Variants in KLHL13 observed in about 807,000 individuals in gnomAD.
KLHL13 encodes the protein kelch-like protein 13.
KLHL13 carries 10 observed loss-of-function variants against 37.1 expected under a neutral mutation model. The ratio of observed to expected loss-of-function variants is 0.27; its 90% confidence interval spans 0.17 to 0.46. The LOEUF (loss-of-function observed/expected upper bound fraction) is 0.46, where lower values mean the gene tolerates loss of function less well. Ranked by LOEUF, KLHL13 falls within the 20% of genes least tolerant of loss-of-function variation. The pLI, the probability that KLHL13 is intolerant of heterozygous loss-of-function variation, is 1.00. For missense variants in KLHL13, 360 were observed against 509.3 expected (o/e 0.71, Z 2.82); for synonymous variants, 163 against 181.2 (o/e 0.90, Z 0.81).
chrX:118,112,887 T>C (rs193230981), intron 1 of KLHL13, among the ~76,000 whole-genome samples: 19 of 112,143 alleles, frequency 1.7e-4, no homozygotes, highest in African/African-American at 5.8e-4. Flanking sequence ...TTGAAAATGT[T>C]GGAGAGGCAA....
At chrX:118,038,221 C>T (rs751825269) in intron 1 of KLHL13, among the ~76,000 whole-genome samples, 1 of 111,876 alleles carries the variant, frequency 8.9e-6, no homozygotes, top group South Asian at 3.8e-4. Flanking sequence ...GGAAATGTTA[C>T]TCAAGTGAAG....
intron 1 of KLHL13, among the ~76,000 whole-genome samples, chrX:118,029,726 T>C (rs1473168321): frequency 1.8e-5 from 2 of 111,953 alleles, no homozygotes; most frequent in Non-Finnish European, 3.8e-5. Context: ...CCCAGCACTT[T>C]GGGATGCCAA....
At chrX:118,028,594 A>C in intron 1 of KLHL13, 97 bp from the exon 2 acceptor site, 2 of 420,288 alleles carry the variant, frequency 4.8e-6, no homozygotes, top group Non-Finnish European at 8.2e-6. Flanking sequence ...TTCATGGTTG[A>C]ATTAAAGGAA....
chrX:117,910,243 A>G, intron 4 of KLHL13, 147 bp from the exon 6 acceptor site: 1 of 458,006 alleles, frequency 2.2e-6, no homozygotes, highest in Admixed American at 4.6e-5. Flanking sequence ...AAATGTATCA[A>G]TGATCTACAA....
At chrX:118,083,485 G>C (rs1254547614) in intron 1 of KLHL13, among the ~76,000 whole-genome samples, 1 of 111,516 alleles carries the variant, frequency 9.0e-6, no homozygotes, top group Non-Finnish European at 1.9e-5. Context: ...AGAACGAAAG[G>C]ACAAATACCA....
At chrX:118,046,670 C>A (rs2054563847) in intron 1 of KLHL13, among the ~76,000 whole-genome samples, 1 of 111,224 alleles carries the variant, frequency 9.0e-6, no homozygotes, top group South Asian at 3.8e-4. Context: ...AATATATACA[C>A]CTACTATGTG....
At chrX:117,922,459 G>GAAAA (rs1556297793) in intron 2 of KLHL13, among the ~76,000 whole-genome samples, 1 of 111,578 alleles carries the variant, frequency 9.0e-6, no homozygotes, top group African/African-American at 3.3e-5. Flanking sequence ...ATTAACGCAT[G>GAAAA]AACAAACAAA....
intron 1 of KLHL13, among the ~76,000 whole-genome samples, chrX:118,088,052 T>A (rs1479852691): frequency 2.7e-5 from 3 of 112,242 alleles, no homozygotes; most frequent in Non-Finnish European, 5.6e-5. Context: ...GGATTTCACC[T>A]GCAAGAGCAG....
At chrX:118,069,147 A>ACACACACC (rs1382307402) in intron 1 of KLHL13, among the ~76,000 whole-genome samples, 2 of 105,556 alleles carry the variant, frequency 1.9e-5, no homozygotes, top group African/African-American at 3.5e-5. Context: ...ACACACACAC[A>ACACACACC]CCCTCACCTG....
intron 1 of KLHL13, among the ~76,000 whole-genome samples, chrX:118,048,734 A>G (rs982314597): frequency 1.6e-4 from 18 of 111,745 alleles, no homozygotes; most frequent in African/African-American, 5.2e-4. Context: ...ACAAAAATAT[A>G]ACGAGACAAG....
intron 1 of KLHL13, among the ~76,000 whole-genome samples, chrX:117,964,680 G>A (rs938255115): frequency 1.8e-5 from 2 of 111,396 alleles, no homozygotes; most frequent in Non-Finnish European, 3.8e-5. Flanking sequence ...TTGGTGTGCT[G>A]CACCCATTAA....
intron 1 of KLHL13, among the ~76,000 whole-genome samples, chrX:118,101,267 T>C (rs2055285054): frequency 8.9e-6 from 1 of 112,039 alleles, no homozygotes; most frequent in African/African-American, 3.2e-5. Flanking sequence ...TAGGAAGAGT[T>C]GACATCTTAA....
chrX:118,070,304 A>G (rs940596031), intron 1 of KLHL13, among the ~76,000 whole-genome samples: 1 of 112,627 alleles, frequency 8.9e-6, no homozygotes, highest in Non-Finnish European at 1.9e-5. Flanking sequence ...TTTGCTATGC[A>G]GTGTTTGTTA....
At chrX:118,082,342 A>G (rs984717420) in intron 1 of KLHL13, among the ~76,000 whole-genome samples, 2 of 111,402 alleles carry the variant, frequency 1.8e-5, no homozygotes, top group Non-Finnish European at 3.8e-5. Context: ...TCTGATTTGC[A>G]TTTCTCTGAT....
intron 2 of KLHL13, among the ~76,000 whole-genome samples, chrX:117,929,974 G>C (rs1932317439): frequency 9.3e-6 from 1 of 107,322 alleles, no homozygotes; most frequent in African/African-American, 3.4e-5. Context: ...AAAAAAATTA[G>C]AAAATTAAAA....
In KLHL13 at chrX:117,945,560, CT is replaced by C. The variant is rs766102130; in HGVS notation, c.113del (p.Glu38GlyfsTer6). On this transcript the variant is annotated frameshift_variant, in exon 2 of 7. Coordinates refer to ENST00000262820, the Ensembl canonical transcript of KLHL13. LOFTEE classifies it high-confidence loss of function. ...GGGACAATTTCATGTGTTGGTCTTC[CT>C]CTTCCACGAGAGATCTGAAAGTTTT... is the stretch of plus-strand genomic sequence containing the variant. The C allele has an allele frequency of 8.3e-7, 1 of 1,201,473 alleles. No homozygotes were observed. Among genetic ancestry groups the C allele is most frequent in the Non-Finnish European group, 1.1e-6 (1 of 889,916 alleles).
intron 1 of KLHL13, among the ~76,000 whole-genome samples, chrX:117,954,407 CGGATGGATGGAT>C (rs755552949): frequency 1.8e-3 from 199 of 110,809 alleles, no homozygotes; most frequent in African/African-American, 6.4e-3. Context: ...GATAGGTAGA[CGGATGGATGGAT>C]GGATGGATGG....
At chrX:118,061,931 T>C (rs1421739032) in intron 1 of KLHL13, among the ~76,000 whole-genome samples, 1 of 111,739 alleles carries the variant, frequency 8.9e-6, no homozygotes, top group Non-Finnish European at 1.9e-5. Context: ...AAAACCCATA[T>C]TGAAAGTATT....
At chrX:118,106,542 T>G (rs1224558240) in intron 1 of KLHL13, among the ~76,000 whole-genome samples, 1 of 111,739 alleles carries the variant, frequency 8.9e-6, no homozygotes, top group Non-Finnish European at 1.9e-5. Flanking sequence ...AATAATATAT[T>G]TCATCAATAT....
Sources: allele counts gnomAD v4.1 joint callset (sites outside exome capture counted in the v4.1 genomes callset), GRCh38; gene constraint gnomAD v4.1.1; transcripts MANE v1.5; gene names NCBI Gene and HGNC (gene_info 2026-07-23, HGNC 2026-07-21).